The following PARD3B variants were observed in gnomAD, a reference collection of about 807,000 sequenced individuals.
PARD3B encodes the protein par-3 family cell polarity regulator beta, also known as partitioning defective 3 homolog B.
PARD3B carries 103 observed loss-of-function variants against 130.2 expected under a neutral mutation model. The observed-to-expected ratio is 0.79, with a 90% CI of 0.67 to 0.93. The LOEUF (loss-of-function observed/expected upper bound fraction) is 0.93. Ranked by LOEUF, PARD3B falls within the 40% of genes least tolerant of loss-of-function variation. The probability of loss-of-function intolerance (pLI) is 0.00; values close to 1 mark genes in which losing one functional copy is unlikely to be tolerated. For synonymous variants in PARD3B, 583 were observed against 553.2 expected, an observed-to-expected ratio of 1.05 and a Z score of -0.76; for missense variants, 1,609 against 1,499.2, an observed-to-expected ratio of 1.07 and a Z score of -1.21.
At position 205,499,916 on chromosome 2, in the gene PARD3B, G is replaced by A. The variant is rs759787603; in HGVS notation, c.3065G>A (p.Ser1022Asn). ...TGTAGTGGCCGTCCTACGGGTGGAA[G>A]CACTGACCGTATCCAGAAGTTGCGG... ...PADSGRPTGG[S>N]TDRIQKLRKE... Residue 1022 changes from serine (S) to asparagine (N), a missense_variant, in exon 21 of 23, where the codon AGC becomes AAC. Physicochemically the swap from Ser to Asn is conservative, Grantham distance 46. Coordinates refer to ENST00000406610, the MANE Select transcript of PARD3B (RefSeq NM_001302769.2). 3.7e-6 allele frequency: 6 copies of A among 1,613,724 alleles called. No homozygotes were observed. The East Asian group carries it at 1.3e-4, about 36-fold the overall frequency.
At chr2:204,630,587 C>T (rs998813255) in intron 1 of PARD3B, among the ~76,000 whole-genome samples, 6 of 151,914 alleles carry the variant, frequency 3.9e-5, no homozygotes, top group East Asian at 1.9e-4. Context: ...ATATCTTTAG[C>T]GTATAGTTGC....
intron 2 of PARD3B, among the ~76,000 whole-genome samples, chr2:204,903,972 G>A (rs1294575295): frequency 1.3e-5 from 2 of 152,040 alleles, no homozygotes; most frequent in African/African-American, 2.4e-5. Context: ...GAGATATCCC[G>A]TTTGCTATTG....
chr2:204,766,274 T>C (rs1292707951), intron 2 of PARD3B, among the ~76,000 whole-genome samples: 1 of 152,348 alleles, frequency 6.6e-6, no homozygotes, highest in Non-Finnish European at 1.5e-5. Context: ...TTAATACTTA[T>C]GTGTTTAAAA....
At chr2:204,838,873 AAAAC>A (rs774933445) in intron 2 of PARD3B, among the ~76,000 whole-genome samples, 8 of 152,220 alleles carry the variant, frequency 5.3e-5, no homozygotes, top group Admixed American at 2.0e-4. Context: ...AAAATTTAAA[AAAAC>A]AACAAAATTG....
At chr2:205,240,021 T>C (rs2039281841) in intron 15 of PARD3B, among the ~76,000 whole-genome samples, 1 of 152,166 alleles carries the variant, frequency 6.6e-6, no homozygotes. Flanking sequence ...CTCACATTGC[T>C]GAAAACTCAA....
At chr2:204,752,583 A>C (rs1026640229) in intron 2 of PARD3B, among the ~76,000 whole-genome samples, 3 of 152,218 alleles carry the variant, frequency 2.0e-5, no homozygotes, top group Non-Finnish European at 4.4e-5. Context: ...TTAGAACGAA[A>C]TTCATTATTC....
chr2:204,624,639 T>G (rs1169150090), intron 1 of PARD3B, among the ~76,000 whole-genome samples: 2 of 152,160 alleles, frequency 1.3e-5, no homozygotes, highest in Non-Finnish European at 2.9e-5. Context: ...ATCGTGGACA[T>G]TCTGCTTGTT....
chr2:205,189,350 T>G (rs2036269430), intron 14 of PARD3B, among the ~76,000 whole-genome samples: 1 of 152,232 alleles, frequency 6.6e-6, no homozygotes, highest in African/African-American at 2.4e-5. Flanking sequence ...ATCTTTTACA[T>G]TCCTGGTTTG....
Position 205,605,581 on chromosome 2 carries a change from G to A in PARD3B, c.3261-9875G>A, listed in dbSNP as rs963004105. On this transcript the variant is annotated intron_variant, in intron 22 of 22. Transcript: ENST00000406610. ...TCTCCTGCACCTGGAAGTATCACCA[G>A]TGGAGGCTACCGAATAGCAAAGATG... Among the ~76,000 whole-genome samples the A allele has an allele frequency of 4.5e-4, 69 of 152,224 alleles. 3 individuals carry two copies. Among genetic ancestry groups the A allele is most frequent in the Non-Finnish European group, 7.3e-5 (5 of 68,030 alleles).
chr2:204,607,062 G>T (rs553826373), intron 1 of PARD3B, among the ~76,000 whole-genome samples: 4 of 151,972 alleles, frequency 2.6e-5, no homozygotes, highest in Non-Finnish European at 5.9e-5. Flanking sequence ...TACCACTGAG[G>T]GACTGCAAAA....
intron 18 of PARD3B, among the ~76,000 whole-genome samples, chr2:205,384,077 G>T (rs1443147661): frequency 2.6e-5 from 4 of 152,000 alleles, no homozygotes; most frequent in South Asian, 4.2e-4. Flanking sequence ...ATTTACTGTG[G>T]TTACTTGCCA....
intron 22 of PARD3B, among the ~76,000 whole-genome samples, chr2:205,597,365 T>C (rs1283357574): frequency 6.6e-6 from 1 of 152,222 alleles, no homozygotes; most frequent in Non-Finnish European, 1.5e-5. Context: ...TTAGTTCTTT[T>C]TTTATGGCTG....
rs2039847009 is a variant in PARD3B, at chr2:205,251,481, G to A, written c.2185+5659G>A. ...AACCTCAAATCCAGAGTGTTCAAAT[G>A]TGACCTAAGAAATTTCTAGATCCTT... On this transcript the variant is annotated intron_variant, in intron 16 of 22. Coordinates refer to ENST00000406610, the MANE Select transcript of PARD3B (RefSeq NM_001302769.2). Among the ~76,000 whole-genome samples, 3 of 152,240 alleles carry A rather than the reference G, an allele frequency of 2.0e-5. No individual in the cohort carries two copies. The South Asian group carries it at 6.2e-4, about 32-fold the overall frequency.
chr2:204,766,842 T>G (rs897325477), intron 2 of PARD3B, among the ~76,000 whole-genome samples: 1 of 150,914 alleles, frequency 6.6e-6, no homozygotes, highest in Non-Finnish European at 1.5e-5. Context: ...TTAGAGATTA[T>G]ACTGAGGAAT....
At chr2:205,282,037 C>A (rs1187463735) in intron 16 of PARD3B, among the ~76,000 whole-genome samples, 1 of 152,084 alleles carries the variant, frequency 6.6e-6, no homozygotes, top group Non-Finnish European at 1.5e-5. Flanking sequence ...AACACTAGCC[C>A]TCTTTTTATT....
intron 21 of PARD3B, among the ~76,000 whole-genome samples, chr2:205,551,016 C>T (rs1035725919): frequency 2.1e-5 from 3 of 144,378 alleles, no homozygotes; most frequent in Non-Finnish European, 4.5e-5. Flanking sequence ...ATCTGTTCCT[C>T]GAGGCACCAG....
intron 1 of PARD3B, among the ~76,000 whole-genome samples, chr2:204,668,105 A>G (rs1341735892): frequency 6.6e-6 from 1 of 152,140 alleles, no homozygotes; most frequent in Non-Finnish European, 1.5e-5. Flanking sequence ...GAGGCATTCT[A>G]ATCATTTCCC....
At chr2:205,106,754 A>G (rs1025934362) in intron 5 of PARD3B, among the ~76,000 whole-genome samples, 1 of 152,148 alleles carries the variant, frequency 6.6e-6, no homozygotes, top group Admixed American at 6.5e-5. Flanking sequence ...AACTTCTCAT[A>G]TAAAAGTGCA....
chr2:204,745,407 C>CTTTTTTTTTTTT (rs71032405), intron 2 of PARD3B, among the ~76,000 whole-genome samples: 2 of 140,996 alleles, frequency 1.4e-5, no homozygotes, highest in Non-Finnish European at 1.6e-5. Flanking sequence ...TAAATACTAC[C>CTTTTTTTTTTTT]TTTTTTTTTT....
Sources: allele counts gnomAD v4.1 joint callset (sites outside exome capture counted in the v4.1 genomes callset), GRCh38; gene constraint gnomAD v4.1.1; transcripts MANE v1.5; gene names NCBI Gene and HGNC (gene_info 2026-07-23, HGNC 2026-07-21).